Variants in NUP43 observed in about 807,000 individuals in gnomAD.
The protein encoded by NUP43 is nucleoporin 43.
A neutral mutation model predicts 47.3 loss-of-function variants in NUP43; 32 were observed. The observed-to-expected ratio is 0.68, with a 90% CI of 0.51 to 0.91. The LOEUF (loss-of-function observed/expected upper bound fraction) is 0.91. Ranked by LOEUF, NUP43 falls within the 40% of genes least tolerant of loss-of-function variation. NUP43 has a pLI of 0.00. For synonymous variants in NUP43, 147 were observed against 158.4 expected (o/e 0.93, Z 0.54); for missense variants, 444 against 453.9 (o/e 0.98, Z 0.20).
chr6:149,744,870 T>C (rs1264808833), intron 2 of NUP43, among the ~76,000 whole-genome samples: 1 of 151,374 alleles, frequency 6.6e-6, no homozygotes, highest in African/African-American at 2.4e-5. Flanking sequence ...TAGAGCTAGA[T>C]AGCTTTCTTT....
At chr6:149,745,901 G>A (rs765412224) in intron 2 of NUP43, 39 bp downstream of exon 2, 5 of 1,572,646 alleles carry the variant, frequency 3.2e-6, no homozygotes, top group Non-Finnish European at 2.6e-6. Flanking sequence ...TATTACTCAG[G>A]ACTTTCAAAG....
chr6:149,743,437 A>C (rs1174470463), intron 3 of NUP43, among the ~76,000 whole-genome samples: 2 of 151,912 alleles, frequency 1.3e-5, no homozygotes, highest in Admixed American at 1.3e-4. Flanking sequence ...CTCTACTAAA[A>C]ATATAAAATT....
In NUP43 at chr6:149,738,765, A is replaced by G. The variant is rs1160225480; in HGVS notation, c.516T>C (p.Ser172=). Residue 172 remains serine (S), a synonymous_variant, in exon 5 of 8, where the codon AGT becomes AGC. Transcript: ENST00000340413. ...GAAAGGTTACAGCATGGAGTGTACTACTATCTGCATTGTCTAAAAATTTAA... is the reference window on the plus strand; with the variant it reads ...GAAAGGTTACAGCATGGAGTGTACTGCTATCTGCATTGTCTAAAAATTTAA... ...EAVRTIDNAD[S]STLHAVTFLR... 1 of 1,534,752 alleles carries G rather than the reference A, an allele frequency of 6.5e-7. No homozygotes were observed. The highest frequency in any genetic ancestry group is 8.7e-7 in the Non-Finnish European group (1 of 1,143,400).
Position 149,731,597 on chromosome 6 carries a change from C to T in NUP43, c.913+16G>A. The T allele has an allele frequency of 6.3e-7, 1 of 1,585,872 alleles. No homozygotes were observed. Among genetic ancestry groups the T allele is most frequent in the East Asian group, 2.3e-5 (1 of 44,018 alleles). On this transcript the variant is annotated intron_variant, in intron 7 of 7. Coordinates refer to ENST00000340413, the MANE Select transcript of NUP43 (RefSeq NM_198887.3). The stretch of plus-strand genomic sequence containing the variant: ...AAAAAAAAGTACACATAACAGTATT[C>T]ATTAAAAAGTTTTACCTTGGTGAAA...
At chr6:149,736,007 G>T (rs1785327585) in intron 6 of NUP43, among the ~76,000 whole-genome samples, 2 of 147,490 alleles carry the variant, frequency 1.4e-5, no homozygotes, top group African/African-American at 5.0e-5. Context: ...ACCAGGCACG[G>T]CGGCTCATGC....
chr6:149,746,836 CTTGAAACCACA>C (rs1180068168), upstream of NUP43, among the ~76,000 whole-genome samples: 53 of 152,192 alleles, frequency 3.5e-4, 2 homozygotes. Flanking sequence ...TAGAAACCAC[CTTGAAACCACA>C]CCTAAGCAGT....
chr6:149,746,188 C>T, intron 1 of NUP43, 126 bp from the exon 2 acceptor site: 1 of 1,328,696 alleles, frequency 7.5e-7, no homozygotes, highest in Non-Finnish European at 1.0e-6. Flanking sequence ...TAAAACACAA[C>T]GAGATACGAG....
rs531301474 is a variant in NUP43, at chr6:149,727,432, GA to G, written c.914-235del. ...TGGATACCAAACTCGAAGTCTTCAG[GA>G]AAAGCAGGTGATTTCAACTGACTTT... is the stretch of plus-strand genomic sequence containing the variant. On this transcript the variant is annotated intron_variant, in intron 7 of 7. Coordinates refer to ENST00000340413, the MANE Select transcript of NUP43 (RefSeq NM_198887.3). The G allele has an allele frequency of 1.7e-4, 170 of 984,292 alleles. 1 individual carries two copies. In the African/African-American group the frequency reaches 2.8e-3, roughly 16 times the overall value. 61.0% of individuals were successfully genotyped at this position (984,292 alleles called of 1,614,324 possible). A position where few individuals can be genotyped will look rare whatever the true frequency, so the allele number is the denominator to read the frequency against.
intron 2 of NUP43, 137 bp downstream of exon 2, chr6:149,745,803 G>T: frequency 1.6e-6 from 1 of 643,370 alleles, no homozygotes; most frequent in Non-Finnish European, 2.5e-6. Context: ...AAATGATGTT[G>T]GGCAAATCAT....
upstream of NUP43, among the ~76,000 whole-genome samples, chr6:149,748,808 CAAAAAAAA>C (rs1161065299): frequency 5.4e-3 from 474 of 87,344 alleles, 4 homozygotes; most frequent in African/African-American, 0.018. Flanking sequence ...GACTCCGTCT[CAAAAAAAA>C]AAAAAAAAAA....
At chr6:149,733,155 AAG>A (rs1785148736) in intron 6 of NUP43, among the ~76,000 whole-genome samples, 1 of 152,102 alleles carries the variant, frequency 6.6e-6, no homozygotes, top group African/African-American at 2.4e-5. Flanking sequence ...AAAACTGAGA[AAG>A]ATCCTAATGA....
rs146177975 is a variant in NUP43 at position 149,746,206 on chromosome 6, C to T, written c.121-144G>A. ...AACACAACGAGATACGAGGCTCAGG[C>T]ATGCCATCACCGGCTCTGAGCTACG... On this transcript the variant is annotated intron_variant, in intron 1 of 7. Coordinates refer to ENST00000340413, the MANE Select transcript of NUP43 (RefSeq NM_198887.3). The T allele has an allele frequency of 3.1e-4, 403 of 1,302,580 alleles. No homozygotes were observed. The African/African-American group carries it at 5.1e-3, about 17-fold the overall frequency. 80.7% of individuals were successfully genotyped at this position (1,302,580 alleles called of 1,614,324 possible).
chr6:149,747,728 A>G (rs1282784071), upstream of NUP43, among the ~76,000 whole-genome samples: 2 of 152,182 alleles, frequency 1.3e-5, no homozygotes, highest in Non-Finnish European at 2.9e-5. Context: ...CTTTTACACT[A>G]TAGGTATTCA....
intron 4 of NUP43, 42 bp from the exon 5 acceptor site, chr6:149,738,820 T>A: frequency 8.7e-6 from 11 of 1,268,896 alleles, no homozygotes; most frequent in Non-Finnish European, 1.1e-5. Flanking sequence ...ATGAGTCCCC[T>A]TTTTTTCCCA....
chr6:149,745,874 C>T, intron 2 of NUP43, 66 bp downstream of exon 2: 1 of 1,430,034 alleles, frequency 7.0e-7, no homozygotes, highest in South Asian at 1.4e-5. Flanking sequence ...TTTTATGATG[C>T]TCTGCTTGTT....
At chr6:149,736,772 T>C in intron 5 of NUP43, 150 bp from the exon 6 acceptor site, 1 of 621,740 alleles carries the variant, frequency 1.6e-6, no homozygotes, top group South Asian at 2.4e-5. Flanking sequence ...TACTGTAGGC[T>C]CAAACTCCCT....
chr6:149,729,559 G>C, intron 7 of NUP43: 1 of 980,148 alleles, frequency 1.0e-6, no homozygotes, highest in Non-Finnish European at 1.2e-6. Flanking sequence ...CAACAGTCAA[G>C]TAGCAGGGGT....
chr6:149,727,767 G>A (rs1437250321), intron 7 of NUP43: 1 of 983,400 alleles, frequency 1.0e-6, no homozygotes, highest in African/African-American at 1.8e-5. Flanking sequence ...AACACTACTA[G>A]ATTATAAGGT....
chr6:149,725,238 AC>A lies in NUP43; in HGVS notation c.*1730del, dbSNP rs1286184091. 6.6e-6 allele frequency: 1 copy of A among 152,162 alleles called. No individual in the cohort carries two copies. The highest frequency in any genetic ancestry group is 1.5e-5 in the Non-Finnish European group (1 of 68,056). The allele number at this position is 152,162 out of a possible 1,614,324, so 9.4% of individuals were successfully genotyped here. ...TTTGGGAGGCCGAGGCGGGCTGATT[AC>A]CTGTGGTCAGGAGTTCGAGACCAGC... On this transcript the variant is annotated 3_prime_UTR_variant, in exon 8 of 8. Coordinates refer to ENST00000340413, the MANE Select transcript of NUP43 (RefSeq NM_198887.3).
Sources: gnomAD v4.1 joint callset for allele counts (sites outside exome capture counted in the v4.1 genomes callset) on GRCh38, gnomAD v4.1.1 for gene constraint, MANE v1.5 for transcripts, NCBI Gene and HGNC (gene_info 2026-07-23, HGNC 2026-07-21) for gene names.